DLG2: variants seen among roughly 807,000 people sequenced by gnomAD.
DLG2 encodes discs large MAGUK scaffold protein 2, also known as disks large homolog 2.
In DLG2, 45 loss-of-function variants were observed where a neutral mutation model predicts 132.5. That is an observed-to-expected ratio of 0.34 (90% confidence interval 0.27 to 0.44). DLG2 has a LOEUF of 0.44. Among genes scored for constraint, DLG2 ranks in the 20% least tolerant of loss-of-function variants. The probability of loss-of-function intolerance (pLI) is 1.00; values close to 1 mark genes in which losing one functional copy is unlikely to be tolerated. For synonymous variants in DLG2, 424 were observed against 419.6 expected, an observed-to-expected ratio of 1.01 and a Z score of -0.13; for missense variants, 1,045 against 1,196.9, an observed-to-expected ratio of 0.87 and a Z score of 1.87.
intron 6 of DLG2, among the ~76,000 whole-genome samples, chr11:84,971,229 G>A (rs1459208637): frequency 6.6e-6 from 1 of 152,072 alleles, no homozygotes; most frequent in Non-Finnish European, 1.5e-5. Flanking sequence ...GACTTTAAAA[G>A]GAAAAAGAAA....
intron 15 of DLG2, among the ~76,000 whole-genome samples, chr11:83,880,090 A>G (rs140370316): frequency 0.015 from 2,262 of 152,272 alleles, 19 homozygotes; most frequent in Non-Finnish European, 0.025. Context: ...CAGAGTGGCC[A>G]GGGGTAAGGT....
intron 3 of DLG2, among the ~76,000 whole-genome samples, chr11:85,417,756 T>C (rs1472701980): frequency 1.3e-5 from 2 of 152,202 alleles, no homozygotes; most frequent in African/African-American, 4.8e-5. Flanking sequence ...TATTCTCTGA[T>C]GGTCATTTGT....
intron 6 of DLG2, among the ~76,000 whole-genome samples, chr11:85,099,292 T>G (rs78160197): frequency 0.017 from 2,551 of 152,276 alleles, 39 homozygotes; most frequent in Admixed American, 0.039. Flanking sequence ...CTAGATCTAA[T>G]GAGGTGAGTC....
intron 6 of DLG2, among the ~76,000 whole-genome samples, chr11:84,895,017 T>C (rs1158461364): frequency 6.6e-6 from 1 of 152,186 alleles, no homozygotes; most frequent in Non-Finnish European, 1.5e-5. Context: ...GTTTCCATTA[T>C]TAACACACTG....
intron 3 of DLG2, among the ~76,000 whole-genome samples, chr11:85,399,693 T>C (rs1038377303): frequency 2.6e-5 from 4 of 152,202 alleles, no homozygotes; most frequent in Non-Finnish European, 4.4e-5. Context: ...GGATTCCCTA[T>C]TTAATAAATG....
intron 18 of DLG2, among the ~76,000 whole-genome samples, chr11:83,738,134 C>G (rs2092152539): frequency 6.6e-6 from 1 of 152,110 alleles, no homozygotes; most frequent in Non-Finnish European, 1.5e-5. Flanking sequence ...AGAACAAGTT[C>G]AGATTCCAAG....
At chr11:84,641,900 C>A (rs2099666859) in intron 6 of DLG2, among the ~76,000 whole-genome samples, 1 of 151,190 alleles carries the variant, frequency 6.6e-6, no homozygotes, top group Non-Finnish European at 1.5e-5. Flanking sequence ...AAGAATGAAA[C>A]TGTACATGTG....
intron 15 of DLG2, among the ~76,000 whole-genome samples, chr11:83,898,171 A>G (rs1449078730): frequency 1.3e-5 from 2 of 152,178 alleles, no homozygotes; most frequent in African/African-American, 4.8e-5. Context: ...TAAATGTGAG[A>G]ATTTTTGAAT....
At chr11:84,305,388 T>G (rs572910174) in intron 7 of DLG2, among the ~76,000 whole-genome samples, 1 of 152,230 alleles carries the variant, frequency 6.6e-6, no homozygotes, top group Non-Finnish European at 1.5e-5. Context: ...GGTTAAAAAT[T>G]AGTGTTAGAA....
At chr11:85,468,260 C>A (rs939883633) in intron 3 of DLG2, among the ~76,000 whole-genome samples, 2 of 152,080 alleles carry the variant, frequency 1.3e-5, no homozygotes, top group Admixed American at 6.5e-5. Context: ...TTCAAAAAAC[C>A]AGCTCCTGGA....
In DLG2 at chr11:85,606,655, T is replaced by G. The variant is rs144753299; in HGVS notation, c.-92-7867A>C. Among the ~76,000 whole-genome samples, 810 of 152,240 alleles carry G rather than the reference T, an allele frequency of 5.3e-3. 8 individuals are homozygous for G. Among genetic ancestry groups the G allele is most frequent in the African/African-American group, 0.018 (753 of 41,538 alleles). ...TTCCACACTGTGGAAGCTTTGTTCT[T>G]TCGCTCTTCACAATAAATCTTGCTG... On this transcript the variant is annotated intron_variant, in intron 2 of 27. Transcript: ENST00000376104.
intron 6 of DLG2, among the ~76,000 whole-genome samples, chr11:84,766,421 A>T (rs140786207): frequency 6.6e-6 from 1 of 151,986 alleles, no homozygotes; most frequent in Admixed American, 6.6e-5. Flanking sequence ...TCGCTCAGGG[A>T]TAATATTCAA....
At chr11:84,707,520 G>T (rs1006691962) in intron 6 of DLG2, among the ~76,000 whole-genome samples, 1 of 151,750 alleles carries the variant, frequency 6.6e-6, no homozygotes, top group Non-Finnish European at 1.5e-5. Flanking sequence ...AAAACAGAAA[G>T]CCAGCAGTGA....
At chr11:83,596,321 G>A (rs896735478) in intron 19 of DLG2, among the ~76,000 whole-genome samples, 8 of 152,082 alleles carry the variant, frequency 5.3e-5, no homozygotes, top group Non-Finnish European at 1.0e-4. Flanking sequence ...TGACATAGCC[G>A]TGTATCCAAC....
At position 85,368,913 on chromosome 11, in the gene DLG2, G is replaced by A. The variant is rs571607283; in HGVS notation, c.41-83548C>T. 1.7e-3 allele frequency among the ~76,000 whole-genome samples: 266 copies of A among 152,316 alleles called. 1 individual carries two copies. The highest frequency in any genetic ancestry group is 6.2e-3 in the African/African-American group (258 of 41,578). On this transcript the variant is annotated intron_variant, in intron 3 of 27. Coordinates refer to ENST00000376104, the MANE Select transcript of DLG2 (RefSeq NM_001142699.3). ...CTGTGTGGAGCCTGGGATTCAGGCA[G>A]TGGGCAGGAAGCACTCTAGTGGAGG...
chr11:83,930,483 C>T lies in DLG2; in HGVS notation c.1341G>A (p.Arg447=). ...CAGTGCTGTAAACAGGTTCCGGAGG[C>T]CTGGTGATACAAGAGGAAGAGAAAG... is the stretch of plus-strand genomic sequence containing the variant. ...KHMLVDDDYT[R]PPEPVYSTVN... The change falls in exon 15 of 28, where the codon AGG becomes AGA. Residue 447 remains arginine (R), a splice_region_variant and synonymous_variant. Transcript: ENST00000376104. 6.2e-7 allele frequency: 1 copy of T among 1,613,276 alleles called. No homozygotes were observed. Among genetic ancestry groups the T allele is most frequent in the Non-Finnish European group, 8.5e-7 (1 of 1,179,484 alleles).
intron 18 of DLG2, among the ~76,000 whole-genome samples, chr11:83,651,167 T>C (rs919455953): frequency 6.6e-6 from 1 of 152,198 alleles, no homozygotes; most frequent in African/African-American, 2.4e-5. Flanking sequence ...AGTAAGTACC[T>C]AGTACATAAT....
chr11:84,825,434 C>A (rs946111635), intron 6 of DLG2, among the ~76,000 whole-genome samples: 1 of 151,830 alleles, frequency 6.6e-6, no homozygotes, highest in Non-Finnish European at 1.5e-5. Context: ...CTTTTAATGA[C>A]CCTGTTTCTT....
At chr11:84,335,616 C>T (rs973710157) in intron 7 of DLG2, among the ~76,000 whole-genome samples, 5 of 152,152 alleles carry the variant, frequency 3.3e-5, no homozygotes, top group Admixed American at 6.5e-5. Flanking sequence ...AGCAATATCA[C>T]CTTTTTCACT....
Sources: gnomAD v4.1 joint callset for allele counts (sites outside exome capture counted in the v4.1 genomes callset) on GRCh38, gnomAD v4.1.1 for gene constraint, MANE v1.5 for transcripts, NCBI Gene and HGNC (gene_info 2026-07-23, HGNC 2026-07-21) for gene names.